Variants in SFTPD observed in about 807,000 individuals in gnomAD.
The protein encoded by SFTPD is surfactant protein D.
SFTPD carries 18 observed loss-of-function variants against 34.6 expected under a neutral mutation model. The ratio of observed to expected loss-of-function variants is 0.52; its 90% confidence interval spans 0.36 to 0.77. The LOEUF (loss-of-function observed/expected upper bound fraction) is 0.77. SFTPD is among the 30% of genes least tolerant of loss of function. The pLI, the probability that SFTPD is intolerant of heterozygous loss-of-function variation, is 0.00. For synonymous variants in SFTPD, 155 were observed against 180.9 expected, an observed-to-expected ratio of 0.86 and a Z score of 1.15; for missense variants, 433 against 468.9, an observed-to-expected ratio of 0.92 and a Z score of 0.71.
chr10:79,939,821 G>A (rs1842594006), intron 7 of SFTPD, among the ~76,000 whole-genome samples: 1 of 152,176 alleles, frequency 6.6e-6, no homozygotes. Context: ...TCAATGAGAT[G>A]CGCCTGAACT....
At chr10:79,938,573 A>G (rs1842580609) in intron 7 of SFTPD, among the ~76,000 whole-genome samples, 1 of 152,222 alleles carries the variant, frequency 6.6e-6, no homozygotes, top group African/African-American at 2.4e-5. Flanking sequence ...CACATGCTAT[A>G]TACTAGAATT....
At chr10:79,970,000 G>A (rs1232716097) in intron 1 of SFTPD, 1 of 152,092 alleles carries the variant, frequency 6.6e-6, no homozygotes, top group Non-Finnish European at 1.5e-5. Context: ...TCTTCTAGTA[G>A]TTTTTTCAGG....
intron 1 of SFTPD, among the ~76,000 whole-genome samples, chr10:79,977,231 C>A (rs1356725061): frequency 6.6e-6 from 1 of 152,190 alleles, no homozygotes; most frequent in Non-Finnish European, 1.5e-5. Flanking sequence ...AAAGTCTCTG[C>A]AATTAGTGAC....
intron 1 of SFTPD, among the ~76,000 whole-genome samples, chr10:79,964,997 CCAAA>C (rs769736206): frequency 8.5e-5 from 13 of 152,136 alleles, no homozygotes; most frequent in Non-Finnish European, 1.2e-4. Flanking sequence ...GTCAAATCAC[CCAAA>C]CAGTTTCTCA....
At chr10:79,943,616 T>A (rs17881639) in intron 2 of SFTPD, among the ~76,000 whole-genome samples, 3 of 152,088 alleles carry the variant, frequency 2.0e-5, no homozygotes, top group Non-Finnish European at 4.4e-5. Context: ...CAGGCCTCCA[T>A]GGGGGGTGAG....
intron 1 of SFTPD, among the ~76,000 whole-genome samples, chr10:79,960,382 A>G (rs1842765035): frequency 6.6e-6 from 1 of 151,502 alleles, no homozygotes; most frequent in South Asian, 2.1e-4. Context: ...GCATGATTGT[A>G]TATCTAGAAA....
At chr10:79,960,930 A>G in intron 1 of SFTPD, among the ~76,000 whole-genome samples, 1 of 152,308 alleles carries the variant, frequency 6.6e-6, no homozygotes, top group South Asian at 2.1e-4. Flanking sequence ...ACAGCATGGT[A>G]CTGGTACCAA....
intron 2 of SFTPD, among the ~76,000 whole-genome samples, chr10:79,944,849 A>T (rs1842650236): frequency 6.6e-6 from 1 of 151,892 alleles, no homozygotes; most frequent in Admixed American, 6.5e-5. Flanking sequence ...CTGCTCAAAG[A>T]TCTCTTCTTT....
intron 4 of SFTPD, 94 bp from the exon 5 acceptor site, chr10:79,942,164 G>T: frequency 1.1e-6 from 1 of 914,122 alleles, no homozygotes. Flanking sequence ...GCAACTTTAG[G>T]GTCAGAGAGA....
At chr10:79,975,165 G>A (rs12416493) in intron 1 of SFTPD, among the ~76,000 whole-genome samples, 10,351 of 152,174 alleles carry the variant, frequency 0.068, 562 homozygotes, top group South Asian at 0.2. Flanking sequence ...GGTGCTGCTC[G>A]AACAGTCACT....
intron 1 of SFTPD, among the ~76,000 whole-genome samples, chr10:79,974,119 C>T (rs535695391): frequency 2.0e-5 from 3 of 152,120 alleles, no homozygotes; most frequent in South Asian, 2.1e-4. Context: ...AGGACTATGC[C>T]GTTAGTTGTT....
intron 1 of SFTPD, among the ~76,000 whole-genome samples, chr10:79,965,540 T>TTC (rs71034263): frequency 4.4e-3 from 5 of 1,142 alleles, no homozygotes; most frequent in Non-Finnish European, 0.014. Context: ...TTTATTTTTC[T>TTC]TTTTTTTTTT....
At chr10:79,945,760 C>T (rs1483912997) in intron 2 of SFTPD, among the ~76,000 whole-genome samples, 1 of 152,206 alleles carries the variant, frequency 6.6e-6, no homozygotes, top group African/African-American at 2.4e-5. Context: ...AAAAAACAGA[C>T]TCAGTGACAC....
At position 79,942,431 on chromosome 10, in the gene SFTPD, T is replaced by A; in HGVS notation, c.390A>T (p.Gly130=). Residue 130 remains glycine, a synonymous_variant, in exon 4 of 8, where the codon GGA becomes GGT. Transcript: ENST00000372292. ...CTTTTGGGCCTGGCTTGCCCTGAGGTCCTATGTTCCCCTGCTTCCCCAGGG... is the reference window on the plus strand; with the variant it reads ...CTTTTGGGCCTGGCTTGCCCTGAGGACCTATGTTCCCCTGCTTCCCCAGGG... ...EGPLGKQGNI[G]PQGKPGPKGE... is the part of the protein sequence containing the mutation. 1 of 1,613,058 alleles carries A rather than the reference T, an allele frequency of 6.2e-7. No homozygotes were observed. The highest frequency in any genetic ancestry group is 8.5e-7 in the Non-Finnish European group (1 of 1,179,326).
intron 1 of SFTPD, chr10:79,982,258 C>A: frequency 1.1e-6 from 1 of 933,808 alleles, no homozygotes; most frequent in Non-Finnish European, 1.4e-6. Flanking sequence ...CCGCGGGCGG[C>A]GGCGGGGGCG....
At chr10:79,952,061 C>A (rs1842713332), upstream of SFTPD, among the ~76,000 whole-genome samples, 1 of 152,244 alleles carries the variant, frequency 6.6e-6, no homozygotes, top group Non-Finnish European at 1.5e-5. Flanking sequence ...CCTTCATCTC[C>A]AGGCTGCAGT....
upstream of SFTPD, among the ~76,000 whole-genome samples, chr10:79,949,856 A>T (rs1419318382): frequency 2.7e-5 from 4 of 146,180 alleles, no homozygotes; most frequent in Admixed American, 6.8e-5. Context: ...GTCTGTATGT[A>T]TTTTTTTTTT....
chr10:79,955,634 G>A (rs1010079345), intron 1 of SFTPD, among the ~76,000 whole-genome samples: 1 of 152,316 alleles, frequency 6.6e-6, no homozygotes, highest in South Asian at 2.1e-4. Flanking sequence ...ACTAGATTCT[G>A]CAACAATTGT....
upstream of SFTPD, among the ~76,000 whole-genome samples, chr10:79,952,920 T>C (rs1461643830): frequency 1.3e-5 from 2 of 152,178 alleles, no homozygotes; most frequent in Non-Finnish European, 2.9e-5. Flanking sequence ...AGTTCAGCAG[T>C]CCATAGTCTG....
Sources: gnomAD v4.1 joint callset for allele counts (sites outside exome capture counted in the v4.1 genomes callset) on GRCh38, gnomAD v4.1.1 for gene constraint, MANE v1.5 for transcripts, NCBI Gene and HGNC (gene_info 2026-07-23, HGNC 2026-07-21) for gene names.